The following POLN variants were observed in gnomAD, a reference collection of about 807,000 sequenced individuals.
POLN encodes DNA polymerase nu.
In POLN, 108 loss-of-function variants were observed where a neutral mutation model predicts 113.5. That is an observed-to-expected ratio of 0.95 (90% CI 0.81 to 1.12). The LOEUF is 1.12. Ranked by LOEUF, POLN falls within the 50% of genes most tolerant of loss-of-function variation. The pLI is 0.00. For synonymous variants in POLN, 386 were observed against 391.5 expected (o/e 0.99, Z 0.17); for missense variants, 1,097 against 1,077.1 (o/e 1.02, Z -0.26).
At chr4:2,212,280 A>G (rs1734012473) in intron 4 of POLN, among the ~76,000 whole-genome samples, 2 of 152,130 alleles carry the variant, frequency 1.3e-5, no homozygotes, top group African/African-American at 2.4e-5. Context: ...AAATTCTATT[A>G]TTTCCACTAC....
At position 2,170,642 on chromosome 4, in the gene POLN, C is replaced by T. The variant is rs369734553; in HGVS notation, c.1554+37G>A. 1.0e-5 allele frequency: 16 copies of T among 1,560,750 alleles called. No individual in the cohort carries two copies. The African/African-American group carries it at 1.9e-4, about 19-fold the overall frequency. On this transcript the variant is annotated intron_variant, in intron 13 of 25. Coordinates refer to ENST00000511885, the MANE Select transcript of POLN (RefSeq NM_181808.4). Reference sequence around the variant, plus strand: ...CACACATGTGGTGCAGACATGCTGTCATTCTAAAAAGAAAAAGGATAACTC... The same window carrying T: ...CACACATGTGGTGCAGACATGCTGTTATTCTAAAAAGAAAAAGGATAACTC...
chr4:2,085,530 T>C, intron 21 of POLN, 83 bp downstream of exon 21: 3 of 1,576,478 alleles, frequency 1.9e-6, no homozygotes, highest in Non-Finnish European at 2.6e-6. Context: ...AGGGCCCGCC[T>C]GCACACCAAC....
rs35089859 is a variant in POLN, at chr4:2,197,050, C to T, written c.908+1474G>A. On this transcript the variant is annotated intron_variant, in intron 6 of 25. Coordinates refer to ENST00000511885, the MANE Select transcript of POLN (RefSeq NM_181808.4). ...GGCCAGAGTAAGCAGACCTCGAGGGCGAGGGCCTTCATAGGTCCTGTGGCT... is the reference window on the plus strand; with the variant it reads ...GGCCAGAGTAAGCAGACCTCGAGGGTGAGGGCCTTCATAGGTCCTGTGGCT... 9.8e-3 allele frequency among the ~76,000 whole-genome samples: 1,495 copies of T among 152,220 alleles called. 28 individuals carry two copies. The highest frequency in any genetic ancestry group is 0.034 in the African/African-American group (1,420 of 41,520).
At chr4:2,130,690 G>A (rs1448345834) in intron 17 of POLN, among the ~76,000 whole-genome samples, 1 of 152,070 alleles carries the variant, frequency 6.6e-6, no homozygotes, top group Non-Finnish European at 1.5e-5. Context: ...GGGAGAGATG[G>A]CAGGAGGAAA....
chr4:2,157,240 T>A (rs1427885859), intron 15 of POLN, among the ~76,000 whole-genome samples: 1 of 152,214 alleles, frequency 6.6e-6, no homozygotes, highest in Non-Finnish European at 1.5e-5. Flanking sequence ...ATCTCTTGAC[T>A]GCAGTCTCCT....
intron 2 of POLN, 31 bp from the exon 3 acceptor site, chr4:2,229,274 C>A (rs768792471): frequency 7.3e-6 from 11 of 1,503,880 alleles, no homozygotes; most frequent in Admixed American, 2.1e-5. Flanking sequence ...AGATAAATCC[C>A]ATATATTAAT....
chr4:2,096,418 T>G (rs945156784), intron 19 of POLN, among the ~76,000 whole-genome samples: 4 of 152,034 alleles, frequency 2.6e-5, no homozygotes, highest in African/African-American at 7.2e-5. Flanking sequence ...AGCATTCAGA[T>G]AGAATAAGGA....
At chr4:2,083,341 G>A (rs966188813) in intron 21 of POLN, among the ~76,000 whole-genome samples, 1 of 152,168 alleles carries the variant, frequency 6.6e-6, no homozygotes, top group African/African-American at 2.4e-5. Context: ...CCACACGTGG[G>A]CTGTGCCTCC....
intron 6 of POLN, among the ~76,000 whole-genome samples, chr4:2,197,997 G>A (rs1205705937): frequency 1.3e-5 from 2 of 152,134 alleles, no homozygotes; most frequent in Admixed American, 6.6e-5. Flanking sequence ...CAGAAGGGAC[G>A]GCAGGAGCAA....
rs368000969 is a variant in POLN, at chr4:2,174,218, C to G, written c.1310-199G>C. Among the ~76,000 whole-genome samples the G allele has an allele frequency of 2.6e-5, 4 of 152,232 alleles. No individual in the cohort carries two copies. In the South Asian group the frequency reaches 8.3e-4, roughly 32 times the overall value. On this transcript the variant is annotated intron_variant, in intron 10 of 25. Transcript: ENST00000511885. The stretch of plus-strand genomic sequence containing the variant: ...CAAATGGGCGCATTGACAGAGCTGG[C>G]CTTTGAGGTGGGAGTGGGCGAGGGG...
chr4:2,147,637 T>C, intron 16 of POLN, among the ~76,000 whole-genome samples: 1 of 127,016 alleles, frequency 7.9e-6, no homozygotes, highest in East Asian at 2.2e-4. Context: ...ATCCAGTTTT[T>C]CTTTTCTTTT....
chr4:2,160,535 A>C (rs1275053503), intron 13 of POLN, among the ~76,000 whole-genome samples: 1 of 151,980 alleles, frequency 6.6e-6, no homozygotes, highest in African/African-American at 2.4e-5. Flanking sequence ...CAGCCTCCCA[A>C]GTAGCTGGAC....
At position 2,085,631 on chromosome 4, in the gene POLN, C is replaced by CT; in HGVS notation, c.2178_2179insA (p.Ala727SerfsTer26). 6.2e-7 allele frequency: 1 copy of CT among 1,614,044 alleles called. No homozygotes were observed. The highest frequency in any genetic ancestry group is 1.1e-5 in the South Asian group (1 of 91,076). On this transcript the variant is annotated frameshift_variant, in exon 21 of 26. Coordinates refer to ENST00000511885, the MANE Select transcript of POLN (RefSeq NM_181808.4). LOFTEE classifies it high-confidence loss of function. ...AACTCACCTGTCTGGTGACACTGGG[C>CT]AATAGCTGCTCGGGCGAAGTCCTTG...
chr4:2,179,354 G>A lies in POLN; in HGVS notation c.1133C>T (p.Thr378Ile), dbSNP rs759802500. 38 of 1,613,082 alleles carry A rather than the reference G, an allele frequency of 2.4e-5. No individual in the cohort carries two copies. Among genetic ancestry groups the A allele is most frequent in the Admixed American group, 8.3e-5 (5 of 59,998 alleles). ...TCCATATGTGCTGTTCACTTTAACT[G>A]TAATGGATTTTTCACAGTATTTTTC... ...LVEKYCEKSI[T>I]VKVNSTYGNS... The change falls in exon 8 of 26, where the codon ACA (threonine) becomes ATA (isoleucine). Residue 378 changes from threonine to isoleucine, a missense_variant. Physicochemically the swap from Thr to Ile is moderately conservative, Grantham distance 89 (BLOSUM62 -1). Coordinates refer to ENST00000511885, the MANE Select transcript of POLN (RefSeq NM_181808.4).
intron 11 of POLN, among the ~76,000 whole-genome samples, chr4:2,172,231 A>G (rs1732879220): frequency 6.6e-6 from 1 of 152,194 alleles, no homozygotes; most frequent in Admixed American, 6.5e-5. Context: ...CTGAAAAACA[A>G]AAACAAAAAC....
At chr4:2,077,945 T>C (rs1164554546) in intron 23 of POLN, among the ~76,000 whole-genome samples, 1 of 152,206 alleles carries the variant, frequency 6.6e-6, no homozygotes, top group Non-Finnish European at 1.5e-5. Context: ...TCATCCCTGT[T>C]CCTGAGAGGG....
rs568191981 is a variant in POLN, at chr4:2,238,310, C to G, written c.-13+3210G>C. On this transcript the variant is annotated intron_variant, in intron 2 of 25. Coordinates refer to ENST00000511885, the MANE Select transcript of POLN (RefSeq NM_181808.4). ...TGTATTCAAACTTCCTGCCCCAAAT[C>G]TAAAATAAGGTATATAAATAATGAT... Among the ~76,000 whole-genome samples, 4 of 152,158 alleles carry G rather than the reference C, an allele frequency of 2.6e-5. No homozygotes were observed. The South Asian group carries it at 6.2e-4, about 24-fold the overall frequency.
chr4:2,072,527 G>A (rs78724199), intron 25 of POLN, among the ~76,000 whole-genome samples: 6 of 152,356 alleles, frequency 3.9e-5, no homozygotes, highest in East Asian at 1.9e-4. Context: ...CGATCTTGGC[G>A]GAGGTTCCCC....
At chr4:2,077,685 GT>G (rs1730307583) in intron 23 of POLN, among the ~76,000 whole-genome samples, 1 of 152,266 alleles carries the variant, frequency 6.6e-6, no homozygotes, top group Non-Finnish European at 1.5e-5. Flanking sequence ...AGCAGAAGCA[GT>G]TTTCACACTT....
Sources: allele counts gnomAD v4.1 joint callset (sites outside exome capture counted in the v4.1 genomes callset), GRCh38; gene constraint gnomAD v4.1.1; transcripts MANE v1.5; gene names NCBI Gene and HGNC (gene_info 2026-07-23, HGNC 2026-07-21).